KCNH8: variants seen among roughly 807,000 people sequenced by gnomAD.
KCNH8 encodes the protein voltage-gated delayed rectifier potassium channel KCNH8.
A neutral mutation model predicts 103.6 loss-of-function variants in KCNH8; 70 were observed. The ratio of observed to expected loss-of-function variants is 0.68; its 90% CI spans 0.56 to 0.82. The LOEUF (loss-of-function observed/expected upper bound fraction) is 0.82. KCNH8 is among the 40% of genes least tolerant of loss of function. The pLI is 0.00. For synonymous variants in KCNH8, 498 were observed against 489.4 expected (o/e 1.02, Z -0.23); for missense variants, 1,217 against 1,329.9 (o/e 0.92, Z 1.32).
intron 11 of KCNH8, among the ~76,000 whole-genome samples, chr3:19,500,873 A>G (rs1044720839): frequency 6.6e-6 from 1 of 152,230 alleles, no homozygotes; most frequent in Admixed American, 6.5e-5. Context: ...TAAAAGATCT[A>G]GAAAAGAGCA....
At chr3:19,397,935 G>C (rs918760362) in intron 7 of KCNH8, among the ~76,000 whole-genome samples, 15 of 151,812 alleles carry the variant, frequency 9.9e-5, no homozygotes, top group African/African-American at 3.6e-4. Flanking sequence ...AAGTAGCTTA[G>C]AGTCTACGCT....
chr3:19,212,336 A>G (rs1055347952), intron 1 of KCNH8, among the ~76,000 whole-genome samples: 5 of 152,156 alleles, frequency 3.3e-5, no homozygotes, highest in African/African-American at 7.2e-5. Context: ...CAAAACTTCT[A>G]TTCTTCAACA....
intron 11 of KCNH8, among the ~76,000 whole-genome samples, chr3:19,462,283 C>T (rs1052951033): frequency 2.6e-5 from 4 of 152,182 alleles, no homozygotes; most frequent in Admixed American, 6.5e-5. Context: ...TCCTATTTCT[C>T]CATATCCTCT....
intron 5 of KCNH8, among the ~76,000 whole-genome samples, chr3:19,362,124 A>G (rs1306778618): frequency 1.3e-5 from 2 of 152,150 alleles, no homozygotes; most frequent in South Asian, 4.1e-4. Context: ...TCTTCCTTCT[A>G]TCTTCTTAGA....
At chr3:19,335,483 GTATATATATATA>G (rs3067331) in intron 3 of KCNH8, among the ~76,000 whole-genome samples, 1 of 141,362 alleles carries the variant, frequency 7.1e-6, no homozygotes, top group African/African-American at 2.6e-5. Context: ...ATATGTGTGT[GTATATATATATA>G]TATATATATA....
At chr3:19,290,763 A>C (rs1220888177) in intron 3 of KCNH8, among the ~76,000 whole-genome samples, 4 of 152,208 alleles carry the variant, frequency 2.6e-5, no homozygotes, top group African/African-American at 9.7e-5. Flanking sequence ...TGGCCTCATA[A>C]AATGAGTTAG....
intron 1 of KCNH8, among the ~76,000 whole-genome samples, chr3:19,204,914 T>C (rs1316572142): frequency 1.3e-5 from 2 of 152,094 alleles, no homozygotes; most frequent in African/African-American, 4.8e-5. Flanking sequence ...TCCTGAGTCT[T>C]GTCAACATGG....
At chr3:19,242,605 A>G (rs2064156507) in intron 1 of KCNH8, among the ~76,000 whole-genome samples, 1 of 152,156 alleles carries the variant, frequency 6.6e-6, no homozygotes, top group African/African-American at 2.4e-5. Context: ...ATACTTATCT[A>G]GAAAGGTGTT....
At position 19,475,017 on chromosome 3, in the gene KCNH8, C is replaced by T. The variant is rs541829951; in HGVS notation, c.2040+18035C>T. Among the ~76,000 whole-genome samples the T allele has an allele frequency of 5.9e-5, 9 of 152,216 alleles. No homozygotes were observed. In the East Asian group the frequency reaches 1.7e-3, roughly 29 times the overall value. On this transcript the variant is annotated intron_variant, in intron 11 of 15. Coordinates refer to ENST00000328405, the MANE Select transcript of KCNH8 (RefSeq NM_144633.3). Reference sequence around the variant, plus strand: ...AGACTCAATACACATACAACTAAGGCCAGAATTGTTCCTCCAAAGAATCTA... The same window carrying T: ...AGACTCAATACACATACAACTAAGGTCAGAATTGTTCCTCCAAAGAATCTA...
chr3:19,253,125 C>G (rs1008615937), intron 1 of KCNH8, among the ~76,000 whole-genome samples: 2 of 152,090 alleles, frequency 1.3e-5, no homozygotes, highest in African/African-American at 4.8e-5. Context: ...AGTGGTGAAC[C>G]CCTTTTTAAC....
At chr3:19,308,727 T>TCC (rs1408790912) in intron 3 of KCNH8, among the ~76,000 whole-genome samples, 1 of 28,808 alleles carries the variant, frequency 3.5e-5, no homozygotes, top group African/African-American at 3.8e-4. Context: ...TCCCCCTCTC[T>TCC]CCCTCTCTCC....
chr3:19,444,907 T>C (rs2125178042), intron 8 of KCNH8, among the ~76,000 whole-genome samples: 1 of 152,088 alleles, frequency 6.6e-6, no homozygotes, highest in East Asian at 1.9e-4. Context: ...GGCATGTCAG[T>C]CGATACAACT....
chr3:19,234,293 AGGCCTTG>A (rs1416623958), intron 1 of KCNH8, among the ~76,000 whole-genome samples: 1 of 152,102 alleles, frequency 6.6e-6, no homozygotes, highest in Non-Finnish European at 1.5e-5. Flanking sequence ...GGCACTCCTC[AGGCCTTG>A]GGTGGTCCAT....
At chr3:19,359,718 C>T (rs1446774513) in intron 5 of KCNH8, among the ~76,000 whole-genome samples, 1 of 151,780 alleles carries the variant, frequency 6.6e-6, no homozygotes, top group Admixed American at 6.6e-5. Flanking sequence ...TTATAATTTC[C>T]AAGACATATT....
Position 19,295,631 on chromosome 3 carries a change from G to A in KCNH8, c.442+14302G>A, listed in dbSNP as rs117216247. Among the ~76,000 whole-genome samples, 338 of 152,248 alleles carry A rather than the reference G, an allele frequency of 2.2e-3. 7 individuals are homozygous for A. In the East Asian group the frequency reaches 0.057, roughly 26 times the overall value. On this transcript the variant is annotated intron_variant, in intron 3 of 15. Coordinates refer to ENST00000328405, the MANE Select transcript of KCNH8 (RefSeq NM_144633.3). ...GGACAGGCTGGAGACCTACAGAAAG[G>A]TCTATAGGTAACTTTTCTTTGACCT... is the stretch of plus-strand genomic sequence containing the variant.
intron 11 of KCNH8, among the ~76,000 whole-genome samples, chr3:19,486,831 T>C (rs1217566713): frequency 6.6e-6 from 1 of 152,226 alleles, no homozygotes; most frequent in East Asian, 1.9e-4. Context: ...CTTCTGGTTT[T>C]AGGTTCCAGT....
chr3:19,250,645 A>G (rs1174586423), intron 1 of KCNH8, among the ~76,000 whole-genome samples: 5 of 152,328 alleles, frequency 3.3e-5, no homozygotes, highest in African/African-American at 1.2e-4. Context: ...GACTTATGAT[A>G]GACCATCTCG....
At chr3:19,300,551 A>G (rs545057347) in intron 3 of KCNH8, among the ~76,000 whole-genome samples, 24 of 152,300 alleles carry the variant, frequency 1.6e-4, no homozygotes, top group African/African-American at 5.5e-4. Context: ...TTAGAAAACA[A>G]AAAATATGCT....
intron 1 of KCNH8, among the ~76,000 whole-genome samples, chr3:19,220,174 G>T (rs1012094551): frequency 2.0e-5 from 3 of 152,170 alleles, no homozygotes; most frequent in African/African-American, 4.8e-5. Flanking sequence ...GGGCAAGCAG[G>T]TCTTGGCCAT....
Sources: allele counts gnomAD v4.1 joint callset (sites outside exome capture counted in the v4.1 genomes callset), GRCh38; gene constraint gnomAD v4.1.1; transcripts MANE v1.5; gene names NCBI Gene and HGNC (gene_info 2026-07-23, HGNC 2026-07-21).